DPP6: variants seen among roughly 807,000 people sequenced by gnomAD.
The protein encoded by DPP6 is A-type potassium channel modulatory protein DPP6.
A neutral mutation model predicts 122.6 loss-of-function variants in DPP6; 69 were observed. The observed-to-expected ratio is 0.56, with a 90% confidence interval of 0.46 to 0.69. The LOEUF is 0.69. Among genes scored for constraint, DPP6 ranks in the 30% least tolerant of loss-of-function variants. The pLI, the probability that DPP6 is intolerant of heterozygous loss-of-function variation, is 0.00. For synonymous variants in DPP6, 418 were observed against 433.1 expected (o/e 0.97, Z 0.43); for missense variants, 928 against 1,116.9 (o/e 0.83, Z 2.41).
chr7:153,870,439 G>A, the DPP6 span, among the ~76,000 whole-genome samples: 1 of 152,066 alleles, frequency 6.6e-6, no homozygotes, highest in Non-Finnish European at 1.5e-5. Flanking sequence ...GCAGTTGATC[G>A]AATCAGCTAC....
chr7:154,245,385 A>G (rs1424477123), intron 1 of DPP6, among the ~76,000 whole-genome samples: 2 of 151,680 alleles, frequency 1.3e-5, no homozygotes, highest in African/African-American at 4.8e-5. Context: ...CTGCAATCCC[A>G]GCACTTTTGG....
At chr7:154,788,333 A>G (rs1049709726) in intron 10 of DPP6, among the ~76,000 whole-genome samples, 5 of 151,980 alleles carry the variant, frequency 3.3e-5, no homozygotes, top group African/African-American at 1.2e-4. Flanking sequence ...AATCTCAGCT[A>G]TTCGGGAGAC....
chr7:154,707,217 T>A (rs890515925), intron 7 of DPP6, among the ~76,000 whole-genome samples: 1 of 152,246 alleles, frequency 6.6e-6, no homozygotes, highest in African/African-American at 2.4e-5. Flanking sequence ...ATTATGCTAA[T>A]AATATGTTAC....
intron 7 of DPP6, among the ~76,000 whole-genome samples, chr7:154,706,914 G>C (rs1398253286): frequency 6.6e-6 from 1 of 152,094 alleles, no homozygotes; most frequent in Non-Finnish European, 1.5e-5. Context: ...GTGGTGTTGG[G>C]GCTTTTCATC....
chr7:154,163,044 C>T (rs1797059827), intron 1 of DPP6, among the ~76,000 whole-genome samples: 1 of 152,136 alleles, frequency 6.6e-6, no homozygotes, highest in Non-Finnish European at 1.5e-5. Flanking sequence ...AAACTTGACA[C>T]CTGGAATCTG....
chr7:154,096,746 T>C (rs1434249173), intron 1 of DPP6, among the ~76,000 whole-genome samples: 1 of 152,200 alleles, frequency 6.6e-6, no homozygotes, highest in Non-Finnish European at 1.5e-5. Flanking sequence ...AAAAATAGTA[T>C]AATGACTATA....
At chr7:154,465,934 AT>A (rs1481762658) in intron 2 of DPP6, among the ~76,000 whole-genome samples, 2 of 152,224 alleles carry the variant, frequency 1.3e-5, no homozygotes, top group African/African-American at 4.8e-5. Flanking sequence ...ACTATTCACA[AT>A]AGCAAAGACT....
chr7:154,684,913 T>C (rs927173148), intron 7 of DPP6, among the ~76,000 whole-genome samples: 5 of 152,216 alleles, frequency 3.3e-5, no homozygotes, highest in South Asian at 2.1e-4. Flanking sequence ...GCTTAGGGAA[T>C]GCTGCCTTTT....
At chr7:154,273,686 CT>C (rs1188696272) in intron 1 of DPP6, among the ~76,000 whole-genome samples, 7 of 152,122 alleles carry the variant, frequency 4.6e-5, no homozygotes, top group Non-Finnish European at 1.0e-4. Flanking sequence ...AGTCAAATGT[CT>C]GCATTGGTTG....
At chr7:154,493,851 G>A (rs1824498815) in intron 3 of DPP6, among the ~76,000 whole-genome samples, 1 of 152,192 alleles carries the variant, frequency 6.6e-6, no homozygotes, top group African/African-American at 2.4e-5. Context: ...TTTGGTTTAT[G>A]TGTGAGCAAA....
chr7:154,525,983 C>A (rs1021909780), intron 3 of DPP6, among the ~76,000 whole-genome samples: 2 of 152,088 alleles, frequency 1.3e-5, no homozygotes, highest in Admixed American at 1.3e-4. Flanking sequence ...TATCATGTTG[C>A]GTACTTTTTA....
intron 6 of DPP6, among the ~76,000 whole-genome samples, chr7:154,655,219 C>G (rs1319109615): frequency 5.9e-5 from 9 of 152,148 alleles, no homozygotes; most frequent in Non-Finnish European, 1.3e-4. Context: ...CCCTCACTCC[C>G]AAATGCTGTT....
chr7:154,052,585 G>A lies in DPP6; in HGVS notation c.-236G>A. The A allele has an allele frequency of 8.3e-7, 1 of 1,201,370 alleles. No individual in the cohort carries two copies. Among genetic ancestry groups the A allele is most frequent in the Non-Finnish European group, 1.0e-6 (1 of 960,278 alleles). The allele number at this position is 1,201,370 out of a possible 1,614,324, so 74.4% of individuals were successfully genotyped here. A position where few individuals can be genotyped will look rare whatever the true frequency, so the allele number is the denominator to read the frequency against. On this transcript the variant is annotated 5_prime_UTR_variant, in exon 1 of 26. Coordinates refer to ENST00000377770, the MANE Select transcript of DPP6 (RefSeq NM_130797.4). The surrounding 1 kb of genome is among the most constrained non-coding windows in gnomAD (Gnocchi z 4.8). ...AGCACAGCCAGAGCCCCGGCTTCGCGAGCCGCCGGGGAGGGGGCGGAGGAG... is the reference window on the plus strand; with the variant it reads ...AGCACAGCCAGAGCCCCGGCTTCGCAAGCCGCCGGGGAGGGGGCGGAGGAG...
chr7:154,433,456 C>T (rs1017816593), intron 1 of DPP6, among the ~76,000 whole-genome samples: 3 of 151,818 alleles, frequency 2.0e-5, no homozygotes, highest in Non-Finnish European at 4.4e-5. Context: ...GGCATGAGCC[C>T]CCTCGCCCGG....
intron 1 of DPP6, among the ~76,000 whole-genome samples, chr7:154,065,735 T>A (rs1245835107): frequency 2.0e-5 from 3 of 152,096 alleles, no homozygotes; most frequent in African/African-American, 4.8e-5. Flanking sequence ...GAAGCCTGAG[T>A]CCTGTGTTCC....
At chr7:154,075,369 C>T (rs1313076440) in intron 1 of DPP6, among the ~76,000 whole-genome samples, 1 of 151,766 alleles carries the variant, frequency 6.6e-6, no homozygotes, top group African/African-American at 2.4e-5. Context: ...ACGCCTATAG[C>T]AGTACAACTC....
chr7:153,973,279 A>G (rs1434402863), intron 1 of DPP6, among the ~76,000 whole-genome samples: 1 of 152,206 alleles, frequency 6.6e-6, no homozygotes, highest in Admixed American at 6.5e-5. Context: ...GACATTAGTC[A>G]CATGCAGAAT....
chr7:153,977,822 CTGTT>C (rs1796385883), intron 1 of DPP6, among the ~76,000 whole-genome samples: 1 of 151,872 alleles, frequency 6.6e-6, no homozygotes, highest in Non-Finnish European at 1.5e-5. Context: ...TTTTCTGTTC[CTGTT>C]TGTTTGCTGA....
At chr7:154,479,641 T>C (rs1430824013) in intron 3 of DPP6, among the ~76,000 whole-genome samples, 2 of 151,642 alleles carry the variant, frequency 1.3e-5, no homozygotes, top group African/African-American at 4.8e-5. Flanking sequence ...CTCCCAGAAG[T>C]GGTCACAGCA....
Sources: allele counts gnomAD v4.1 joint callset (sites outside exome capture counted in the v4.1 genomes callset), GRCh38; gene constraint gnomAD v4.1.1; non-coding constraint Gnocchi (gnomAD v3.1); transcripts MANE v1.5; gene names NCBI Gene and HGNC (gene_info 2026-07-23, HGNC 2026-07-21).